The following SCTR variants were observed in gnomAD, a reference collection of about 807,000 sequenced individuals.
The protein encoded by SCTR is pancreatic secretin receptor.
In SCTR, 56 loss-of-function variants were observed where a neutral mutation model predicts 60.8. The ratio of observed to expected loss-of-function variants is 0.92; its 90% CI spans 0.74 to 1.15. SCTR has a LOEUF of 1.15. Among genes scored for constraint, SCTR ranks in the 50% most tolerant of loss-of-function variants. The pLI, the probability that SCTR is intolerant of heterozygous loss-of-function variation, is 0.00. For synonymous variants in SCTR, 202 were observed against 217.0 expected (o/e 0.93, Z 0.61); for missense variants, 562 against 550.4 (o/e 1.02, Z -0.21).
chr2:119,511,118 G>T (rs1400320625), intron 1 of SCTR, among the ~76,000 whole-genome samples: 1 of 152,016 alleles, frequency 6.6e-6, no homozygotes, highest in Non-Finnish European at 1.5e-5. Context: ...CAGGAGAATG[G>T]TGTGAACTTG....
chr2:119,467,372 CAAA>C (rs554916912), intron 4 of SCTR, among the ~76,000 whole-genome samples: 3 of 85,510 alleles, frequency 3.5e-5, no homozygotes, highest in Non-Finnish European at 2.5e-5. Context: ...GACCCTGTCT[CAAA>C]AAAAAAAAAA....
chr2:119,470,999 C>T (rs115630802), intron 4 of SCTR, among the ~76,000 whole-genome samples: 2,762 of 152,294 alleles, frequency 0.018, 32 homozygotes, highest in South Asian at 0.052. Context: ...CTGTGCCTGG[C>T]CTGTGGCTGC....
intron 1 of SCTR, among the ~76,000 whole-genome samples, chr2:119,514,705 G>A (rs1679058546): frequency 2.0e-5 from 3 of 151,986 alleles, no homozygotes; most frequent in Admixed American, 6.6e-5. Context: ...GAGAAACCCC[G>A]TCTCTACTAA....
chr2:119,441,623 G>T (rs371275448), intron 11 of SCTR, 24 bp from the exon 12 acceptor site: 16 of 1,611,238 alleles, frequency 9.9e-6, no homozygotes, highest in Non-Finnish European at 1.4e-5. Flanking sequence ...AGAGGTAGCA[G>T]GGTTAGCACA....
At chr2:119,450,539 A>G (rs532312377) in intron 9 of SCTR, among the ~76,000 whole-genome samples, 10 of 148,402 alleles carry the variant, frequency 6.7e-5, no homozygotes, top group Non-Finnish European at 1.5e-4. Flanking sequence ...AAAACAAAAA[A>G]ACAAAAAAAA....
At chr2:119,518,814 T>A (rs1679191899) in intron 1 of SCTR, among the ~76,000 whole-genome samples, 1 of 152,036 alleles carries the variant, frequency 6.6e-6, no homozygotes, top group Non-Finnish European at 1.5e-5. Context: ...AAATCTAGGC[T>A]TTCAGCAAGG....
chr2:119,494,325 G>A, intron 2 of SCTR, 103 bp downstream of exon 2: 2 of 1,322,174 alleles, frequency 1.5e-6, no homozygotes, highest in East Asian at 2.5e-5. Flanking sequence ...AGCTGGACCA[G>A]CCTCCCACAT....
chr2:119,452,129 G>A (rs1192600192), intron 8 of SCTR, 50 bp from the exon 9 acceptor site: 15 of 1,155,080 alleles, frequency 1.3e-5, no homozygotes, highest in Admixed American at 3.8e-5. Flanking sequence ...TGTGGGAGCT[G>A]GGCTAACCAG....
At chr2:119,505,609 A>AC (rs1451350656) in intron 1 of SCTR, among the ~76,000 whole-genome samples, 9 of 151,984 alleles carry the variant, frequency 5.9e-5, no homozygotes, top group Non-Finnish European at 8.8e-5. Flanking sequence ...CGCAAGGACA[A>AC]AAAACCAAAC....
intron 2 of SCTR, among the ~76,000 whole-genome samples, chr2:119,491,143 C>A (rs892049071): frequency 6.6e-6 from 1 of 152,194 alleles, no homozygotes; most frequent in African/African-American, 2.4e-5. Flanking sequence ...AGGCTCACAG[C>A]GAGTCTCTCT....
At chr2:119,467,536 C>T (rs1264068367) in intron 4 of SCTR, among the ~76,000 whole-genome samples, 2 of 152,126 alleles carry the variant, frequency 1.3e-5, no homozygotes, top group African/African-American at 2.4e-5. Flanking sequence ...GGACTCAAAA[C>T]TGGTTCAATC....
chr2:119,497,134 G>C (rs1360124269), intron 1 of SCTR, among the ~76,000 whole-genome samples: 1 of 152,016 alleles, frequency 6.6e-6, no homozygotes, highest in East Asian at 1.9e-4. Context: ...TGGAGAGTTG[G>C]GGTTTCCACT....
At chr2:119,508,186 C>G (rs1200513023) in intron 1 of SCTR, among the ~76,000 whole-genome samples, 2 of 152,028 alleles carry the variant, frequency 1.3e-5, no homozygotes, top group Non-Finnish European at 2.9e-5. Flanking sequence ...GGACGTGCCT[C>G]CCTCTTCTAC....
At chr2:119,488,819 G>A (rs1677998393) in intron 2 of SCTR, among the ~76,000 whole-genome samples, 1 of 152,204 alleles carries the variant, frequency 6.6e-6, no homozygotes, top group South Asian at 2.1e-4. Flanking sequence ...AAGTTGATCA[G>A]ATTATTTTCC....
chr2:119,480,330 C>T (rs539063922), intron 2 of SCTR, among the ~76,000 whole-genome samples: 1 of 152,336 alleles, frequency 6.6e-6, no homozygotes, highest in African/African-American at 2.4e-5. Context: ...GGACTTCTTA[C>T]ATGGCGGTGG....
intron 2 of SCTR, among the ~76,000 whole-genome samples, chr2:119,483,939 C>T (rs1006617476): frequency 1.3e-5 from 2 of 152,036 alleles, no homozygotes; most frequent in African/African-American, 4.8e-5. Context: ...CCGGGACTCC[C>T]CAGTCCCCCA....
intron 2 of SCTR, among the ~76,000 whole-genome samples, chr2:119,490,942 A>C (rs1678097113): frequency 6.6e-6 from 1 of 152,188 alleles, no homozygotes; most frequent in South Asian, 2.1e-4. Flanking sequence ...TGCATCCTCC[A>C]GCTCCTGTGC....
chr2:119,476,835 G>A (rs1677342076), intron 3 of SCTR: 1 of 152,284 alleles, frequency 6.6e-6, no homozygotes, highest in Non-Finnish European at 1.5e-5. Flanking sequence ...TGGAGTCTGG[G>A]CGTGACCTTG....
At position 119,458,808 on chromosome 2, in the gene SCTR, C is replaced by T. The variant is rs574875304; in HGVS notation, c.790+3039G>A. 2.6e-5 allele frequency among the ~76,000 whole-genome samples: 4 copies of T among 152,282 alleles called. No homozygotes were observed. The South Asian group carries it at 6.2e-4, about 24-fold the overall frequency. On this transcript the variant is annotated intron_variant, in intron 7 of 12. Coordinates refer to ENST00000019103, the MANE Select transcript of SCTR (RefSeq NM_002980.3). The stretch of plus-strand genomic sequence containing the variant: ...TGGGAACACGTCAGAAATGCAGTCT[C>T]GGGCCACCCCAGACCCACTGCCTCA...
Sources: gnomAD v4.1 joint callset for allele counts (sites outside exome capture counted in the v4.1 genomes callset) on GRCh38, gnomAD v4.1.1 for gene constraint, MANE v1.5 for transcripts, NCBI Gene and HGNC (gene_info 2026-07-23, HGNC 2026-07-21) for gene names.